The following ACACA variants were observed in gnomAD, a reference collection of about 807,000 sequenced individuals.
The protein encoded by ACACA is acetyl-CoA carboxylase 1.
In ACACA, 103 loss-of-function variants were observed where a neutral mutation model predicts 296.1. That is an observed-to-expected ratio of 0.35 (90% CI 0.30 to 0.41). The LOEUF is 0.41. Among genes scored for constraint, ACACA ranks in the 10% least tolerant of loss-of-function variants. The pLI is 1.00. For synonymous variants in ACACA, 953 were observed against 1,038.6 expected (o/e 0.92, Z 1.58); for missense variants, 1,554 against 2,989.7 (o/e 0.52, Z 11.20).
rs71159693 is a variant in ACACA at position 37,174,020 on chromosome 17, ATTT to A, written c.5079+5237_5079+5239del. Among the ~76,000 whole-genome samples, 30 of 16,778 alleles carry A rather than the reference ATTT, an allele frequency of 1.8e-3. 1 individual carries two copies. The highest frequency in any genetic ancestry group is 2.5e-3 in the Admixed American group (2 of 794). 11.0% of individuals were successfully genotyped at this position (16,778 alleles called of 152,430 possible). On this transcript the variant is annotated intron_variant, in intron 41 of 55. Coordinates refer to ENST00000616317, the MANE Select transcript of ACACA (RefSeq NM_198834.3). Reference sequence around the variant, plus strand: ...TATATATATATATATATATATATATATTTTTTTTTTTTTTTTTTTTTGTAGCGA... The same window carrying A: ...TATATATATATATATATATATATATATTTTTTTTTTTTTTTTTTGTAGCGA...
At chr17:37,182,782 T>C (rs190056240) in intron 39 of ACACA, among the ~76,000 whole-genome samples, 4 of 152,336 alleles carry the variant, frequency 2.6e-5, no homozygotes, top group Admixed American at 2.6e-4. Context: ...TGCACAGGAA[T>C]AGAATTAAGT....
chr17:37,399,406 G>T (rs1419871420), intron 1 of ACACA, among the ~76,000 whole-genome samples: 1 of 152,056 alleles, frequency 6.6e-6, no homozygotes, highest in African/African-American at 2.4e-5. Context: ...AGCATTTATT[G>T]GGCACCTGTT....
At chr17:37,338,302 A>C (rs527849342) in intron 2 of ACACA, among the ~76,000 whole-genome samples, 1 of 151,874 alleles carries the variant, frequency 6.6e-6, no homozygotes, top group South Asian at 2.1e-4. Flanking sequence ...TCTCCCTTGA[A>C]ATATTAGGTC....
chr17:37,348,518 A>G (rs2048735138), intron 1 of ACACA, among the ~76,000 whole-genome samples: 1 of 152,186 alleles, frequency 6.6e-6, no homozygotes, highest in Non-Finnish European at 1.5e-5. Flanking sequence ...AAGGTTATTA[A>G]ACAATGCCTT....
intron 42 of ACACA, among the ~76,000 whole-genome samples, chr17:37,157,679 G>A (rs2076305930): frequency 6.6e-6 from 1 of 151,884 alleles, no homozygotes; most frequent in Admixed American, 6.6e-5. Flanking sequence ...GGGATTACAG[G>A]CATCTGTCAC....
chr17:37,349,774 G>C (rs925615472), intron 1 of ACACA, among the ~76,000 whole-genome samples: 1 of 151,620 alleles, frequency 6.6e-6, no homozygotes, highest in African/African-American at 2.4e-5. Context: ...GGCCAGGCTG[G>C]TCTCGAACTT....
intron 43 of ACACA, among the ~76,000 whole-genome samples, chr17:37,153,792 A>C (rs2076134768): frequency 6.6e-6 from 1 of 152,202 alleles, no homozygotes; most frequent in African/African-American, 2.4e-5. Context: ...TAAGGATGCC[A>C]TGAACCAAGA....
At chr17:37,247,058 G>GA in intron 18 of ACACA, 82 bp from the exon 19 acceptor site, 15 of 1,529,556 alleles carry the variant, frequency 9.8e-6, no homozygotes, top group African/African-American at 1.4e-5. Context: ...AACCTTCAAA[G>GA]AAAAAAAATC....
intron 54 of ACACA, 51 bp downstream of exon 54, chr17:37,096,945 G>A (rs2073030284): frequency 6.2e-7 from 1 of 1,606,960 alleles, no homozygotes; most frequent in East Asian, 2.2e-5. Flanking sequence ...GCAGCCCTCA[G>A]GTGGTGTGAG....
chr17:37,348,756 T>C (rs1303573544), intron 1 of ACACA, among the ~76,000 whole-genome samples: 1 of 150,146 alleles, frequency 6.7e-6, no homozygotes, highest in African/African-American at 2.4e-5. Flanking sequence ...GATCAGGAGA[T>C]TGAGACCACG....
At chr17:37,239,915 G>C (rs930381948) in intron 24 of ACACA, among the ~76,000 whole-genome samples, 11 of 152,200 alleles carry the variant, frequency 7.2e-5, no homozygotes, top group African/African-American at 2.7e-4. Flanking sequence ...CTTGTGGCAG[G>C]AAGCAATGTC....
At chr17:37,094,581 C>A (rs1555543639) in intron 54 of ACACA, among the ~76,000 whole-genome samples, 31 of 148,238 alleles carry the variant, frequency 2.1e-4, no homozygotes, top group East Asian at 6.0e-4. Context: ...CACCCCCCCC[C>A]CCCCACACCA....
At position 37,270,875 on chromosome 17, in the gene ACACA, G is replaced by GA. The variant is rs570382508; in HGVS notation, c.1009-15dup. 12,110 of 1,400,890 alleles carry GA rather than the reference G, an allele frequency of 8.6e-3. 1 individual carries two copies. The highest frequency in any genetic ancestry group is 0.01 in the Non-Finnish European group (10,376 of 1,027,552). 86.8% of individuals were successfully genotyped at this position (1,400,890 alleles called of 1,614,324 possible). ...TTCCTCAGCTGCCTTCAAAAAGAAA[G>GA]AAAAAAAAAATAGAAGAAACAGTGT... On this transcript the variant is annotated splice_polypyrimidine_tract_variant and intron_variant, in intron 9 of 55. Transcript: ENST00000616317.
intron 1 of ACACA, among the ~76,000 whole-genome samples, chr17:37,345,942 G>C (rs2048592942): frequency 6.6e-6 from 1 of 152,146 alleles, no homozygotes. Flanking sequence ...GGCCAGCATG[G>C]TGGCTCATGC....
At chr17:37,165,365 G>A (rs553497238) in intron 41 of ACACA, among the ~76,000 whole-genome samples, 2 of 152,178 alleles carry the variant, frequency 1.3e-5, no homozygotes, top group South Asian at 2.1e-4. Context: ...AAATCCAGGC[G>A]CTATCACTTA....
intron 45 of ACACA, chr17:37,144,109 A>G (rs994634813): frequency 3.9e-6 from 3 of 761,488 alleles, no homozygotes; most frequent in Non-Finnish European, 7.3e-6. Flanking sequence ...TGTCTTTGCC[A>G]TATCTTCAAA....
intron 1 of ACACA, among the ~76,000 whole-genome samples, chr17:37,350,012 G>C (rs2048823406): frequency 6.6e-6 from 1 of 152,126 alleles, no homozygotes; most frequent in Non-Finnish European, 1.5e-5. Context: ...CTCTGTGTGT[G>C]CATCACTGGA....
intron 42 of ACACA, among the ~76,000 whole-genome samples, chr17:37,158,513 C>T (rs1242652344): frequency 6.6e-6 from 1 of 151,960 alleles, no homozygotes; most frequent in Non-Finnish European, 1.5e-5. Context: ...GGTTGTAGTC[C>T]CAGTTACTCA....
At chr17:37,194,933 A>ACCCCCCCCCCC (rs111271581) in intron 35 of ACACA, among the ~76,000 whole-genome samples, 1 of 150,450 alleles carries the variant, frequency 6.6e-6, no homozygotes, top group African/African-American at 2.5e-5. Context: ...ATTCTCTGAC[A>ACCCCCCCCCCC]CCCCCCCCAC....
Sources: allele counts gnomAD v4.1 joint callset (sites outside exome capture counted in the v4.1 genomes callset), GRCh38; gene constraint gnomAD v4.1.1; transcripts MANE v1.5; gene names NCBI Gene and HGNC (gene_info 2026-07-23, HGNC 2026-07-21).